Variants in CLVS1 observed in about 807,000 individuals in gnomAD.
The protein encoded by CLVS1 is clavesin-1.
Under a neutral mutation model 33.1 loss-of-function variants are expected in CLVS1, and 10 were observed. The ratio of observed to expected loss-of-function variants is 0.30; its 90% CI spans 0.19 to 0.51. The LOEUF is 0.51. CLVS1 is among the 20% of genes least tolerant of loss of function. The probability of loss-of-function intolerance (pLI) is 0.97; values close to 1 mark genes in which losing one functional copy is unlikely to be tolerated. For missense variants in CLVS1, 343 were observed against 433.4 expected (o/e 0.79, Z 1.85); for synonymous variants, 163 against 166.1 (o/e 0.98, Z 0.14).
intron 1 of CLVS1, among the ~76,000 whole-genome samples, chr8:61,070,308 A>G (rs1804769392): frequency 6.6e-6 from 1 of 152,204 alleles, no homozygotes; most frequent in African/African-American, 2.4e-5. Flanking sequence ...GCCTTCTAGA[A>G]CATTGGCCCA....
intron 3 of CLVS1, among the ~76,000 whole-genome samples, chr8:61,385,765 G>A (rs1016468144): frequency 1.4e-4 from 21 of 152,100 alleles, no homozygotes; most frequent in African/African-American, 5.1e-4. Flanking sequence ...TCAGGTATAC[G>A]TGACCTCTAG....
chr8:61,500,790 T>TTTAG lies in CLVS1; in HGVS notation c.*1252_*1255dup, dbSNP rs1411397686. The TTTAG allele has an allele frequency of 3.3e-5, 5 of 152,224 alleles. No individual in the cohort carries two copies. Among genetic ancestry groups the TTTAG allele is most frequent in the South Asian group, 2.1e-4 (1 of 4,834 alleles). 9.4% of individuals were successfully genotyped at this position (152,224 alleles called of 1,614,324 possible). The stretch of plus-strand genomic sequence containing the variant: ...GGTGCTCAAAGTCAAACAAAAATAT[T>TTTAG]TTAGTTAATAATGGGCAGTAAAATA... On this transcript the variant is annotated 3_prime_UTR_variant, in exon 6 of 6. Coordinates refer to ENST00000325897, the MANE Select transcript of CLVS1 (RefSeq NM_173519.3).
chr8:61,283,441 T>C (rs1585747071), upstream of CLVS1, among the ~76,000 whole-genome samples: 1 of 152,328 alleles, frequency 6.6e-6, no homozygotes, highest in Non-Finnish European at 1.5e-5. Context: ...GTACTTCCTC[T>C]TGAAAGTCTA....
chr8:61,282,584 A>T (rs1002259283), intron 2 of CLVS1, among the ~76,000 whole-genome samples: 2 of 152,214 alleles, frequency 1.3e-5, no homozygotes, highest in African/African-American at 4.8e-5. Context: ...TTTCTTTATG[A>T]GTCAGTTTTC....
At chr8:61,223,556 C>T (rs957346455) in intron 2 of CLVS1, among the ~76,000 whole-genome samples, 4 of 152,206 alleles carry the variant, frequency 2.6e-5, no homozygotes, top group Non-Finnish European at 5.9e-5. Flanking sequence ...CACTGTTACT[C>T]TGATGGGCTT....
chr8:61,445,375 G>T (rs906275496), intron 3 of CLVS1, among the ~76,000 whole-genome samples: 1 of 152,146 alleles, frequency 6.6e-6, no homozygotes, highest in Non-Finnish European at 1.5e-5. Flanking sequence ...TTCATGAACT[G>T]CTTGGTCCTC....
chr8:61,417,895 A>G (rs1353732029), intron 3 of CLVS1, among the ~76,000 whole-genome samples: 1 of 152,182 alleles, frequency 6.6e-6, no homozygotes, highest in African/African-American at 2.4e-5. Context: ...CCTCACTCTT[A>G]GAGCCAACAG....
At chr8:61,032,170 C>A in the CLVS1 span, among the ~76,000 whole-genome samples, 1 of 152,174 alleles carries the variant, frequency 6.6e-6, no homozygotes, top group Non-Finnish European at 1.5e-5. Flanking sequence ...AAACTCTACT[C>A]TTGGAAAGAG....
chr8:61,104,602 AT>A (rs541046714), intron 1 of CLVS1, among the ~76,000 whole-genome samples: 5 of 152,182 alleles, frequency 3.3e-5, no homozygotes, highest in African/African-American at 7.2e-5. Context: ...TTTATAATAC[AT>A]TTTTTTCCCA....
At chr8:61,361,691 A>G (rs748174916) in intron 2 of CLVS1, among the ~76,000 whole-genome samples, 4 of 152,124 alleles carry the variant, frequency 2.6e-5, no homozygotes, top group Non-Finnish European at 2.9e-5. Flanking sequence ...CTCATCCACC[A>G]TGTTTCTATC....
At chr8:61,195,801 C>T (rs1177335270) in intron 2 of CLVS1, among the ~76,000 whole-genome samples, 1 of 151,950 alleles carries the variant, frequency 6.6e-6, no homozygotes, top group Non-Finnish European at 1.5e-5. Flanking sequence ...GTAGAAATGA[C>T]ACAGAAATGG....
chr8:61,121,413 A>AT (rs1206182354), intron 1 of CLVS1, among the ~76,000 whole-genome samples: 1 of 151,388 alleles, frequency 6.6e-6, no homozygotes, highest in East Asian at 1.9e-4. Flanking sequence ...GGCAACTCTT[A>AT]TTTTTTCAAC....
At chr8:61,014,273 C>G in the CLVS1 span, among the ~76,000 whole-genome samples, 87 of 152,240 alleles carry the variant, frequency 5.7e-4, no homozygotes, top group African/African-American at 2.0e-3. Flanking sequence ...CAACTTGTTA[C>G]TCCCATCACC....
At chr8:61,209,542 G>A (rs975310722) in intron 2 of CLVS1, among the ~76,000 whole-genome samples, 4 of 152,252 alleles carry the variant, frequency 2.6e-5, no homozygotes, top group African/African-American at 9.6e-5. Context: ...AGAGGCAATA[G>A]AGACAGAAGA....
At chr8:61,387,034 T>C (rs1376339289) in intron 3 of CLVS1, among the ~76,000 whole-genome samples, 1 of 152,186 alleles carries the variant, frequency 6.6e-6, no homozygotes, top group Non-Finnish European at 1.5e-5. Flanking sequence ...GTGTACTTTG[T>C]TTGAATAAAT....
chr8:61,202,822 CT>C, intron 2 of CLVS1: 1 of 1,146,688 alleles, frequency 8.7e-7, no homozygotes, highest in Non-Finnish European at 1.3e-6. Flanking sequence ...AAAAGTAAAA[CT>C]TGCTGCTGAT....
Position 61,499,474 on chromosome 8 carries a change from G to A in CLVS1, c.997G>A (p.Ala333Thr). The part of the protein sequence containing the change: ...LMKRSQSVVE[A>T]GTLKHEEKGE... ...TGTTAGATCTCAGTCTGTGGTAGAA[G>A]CTGGGACCCTGAAACATGAGGAGAA... Residue 333 changes from alanine (A) to threonine (T), a missense_variant, in exon 6 of 6, where the codon GCT becomes ACT. Ala to Thr is a moderately conservative substitution (Grantham distance 58). This residue lies in a region of CLVS1 where 86 missense variants were observed against 95.0 expected (regional missense o/e 0.91). Transcript: ENST00000325897. 6.2e-7 allele frequency: 1 copy of A among 1,613,418 alleles called. No homozygotes were observed. The highest frequency in any genetic ancestry group is 8.5e-7 in the Non-Finnish European group (1 of 1,179,408).
chr8:60,993,794 G>C, the CLVS1 span, among the ~76,000 whole-genome samples: 18 of 152,358 alleles, frequency 1.2e-4, no homozygotes, highest in East Asian at 3.1e-3. Context: ...ATGCCTGCCT[G>C]TCCCTGGGGC....
At chr8:61,016,930 G>A in the CLVS1 span, among the ~76,000 whole-genome samples, 1 of 152,210 alleles carries the variant, frequency 6.6e-6, no homozygotes, top group Non-Finnish European at 1.5e-5. Flanking sequence ...TCAACTTTCA[G>A]GCAGGGATCC....
Sources: allele counts gnomAD v4.1 joint callset (sites outside exome capture counted in the v4.1 genomes callset), GRCh38; gene constraint gnomAD v4.1.1; regional missense constraint gnomAD v4.1.1; transcripts MANE v1.5; gene names NCBI Gene and HGNC (gene_info 2026-07-23, HGNC 2026-07-21).